Variants in TENM4 observed in about 807,000 individuals in gnomAD.
The protein encoded by TENM4 is teneurin-4.
TENM4 carries 82 observed loss-of-function variants against 243.3 expected under a neutral mutation model. The observed-to-expected ratio is 0.34, with a 90% CI of 0.28 to 0.40. TENM4 has a LOEUF of 0.40. TENM4 is among the 10% of genes least tolerant of loss of function. The probability of loss-of-function intolerance (pLI) is 1.00; values close to 1 mark genes in which losing one functional copy is unlikely to be tolerated. For synonymous variants in TENM4, 1,412 were observed against 1,456.3 expected (o/e 0.97, Z 0.69); for missense variants, 3,138 against 3,673.3 (o/e 0.85, Z 3.77).
intron 1 of TENM4, among the ~76,000 whole-genome samples, chr11:79,308,256 TA>T (rs1202903869): frequency 2.6e-5 from 4 of 152,244 alleles, no homozygotes; most frequent in African/African-American, 9.6e-5. Flanking sequence ...GAAATGTTTC[TA>T]AATTCATAAA....
At chr11:79,314,922 T>G (rs2135418950) in intron 1 of TENM4, among the ~76,000 whole-genome samples, 1 of 152,330 alleles carries the variant, frequency 6.6e-6, no homozygotes, top group East Asian at 1.9e-4. Flanking sequence ...ACTTCTCAGG[T>G]GATTCTAATG....
intron 1 of TENM4, among the ~76,000 whole-genome samples, chr11:79,308,668 G>A (rs1856666910): frequency 6.6e-6 from 1 of 152,274 alleles, no homozygotes; most frequent in African/African-American, 2.4e-5. Flanking sequence ...TCCCAAAGGG[G>A]CAGGGGCTTG....
At chr11:79,368,713 C>T (rs1857723650) in intron 1 of TENM4, among the ~76,000 whole-genome samples, 1 of 152,250 alleles carries the variant, frequency 6.6e-6, no homozygotes, top group Non-Finnish European at 1.5e-5. Context: ...ACCTACCCCA[C>T]AGGGTTATTG....
chr11:79,231,385 T>C (rs948434996), intron 2 of TENM4, among the ~76,000 whole-genome samples: 1 of 122,676 alleles, frequency 8.2e-6, no homozygotes, highest in Admixed American at 8.8e-5. Flanking sequence ...AAATTAGTAA[T>C]TTTTTTTTTT....
intron 4 of TENM4, among the ~76,000 whole-genome samples, chr11:79,137,606 T>G (rs964519261): frequency 5.3e-5 from 8 of 152,206 alleles, no homozygotes; most frequent in African/African-American, 1.7e-4. Context: ...AAATGAGGAC[T>G]GTAATTGTTG....
chr11:79,152,788 A>C (rs922833610), intron 3 of TENM4, among the ~76,000 whole-genome samples: 1 of 152,238 alleles, frequency 6.6e-6, no homozygotes, highest in Non-Finnish European at 1.5e-5. Flanking sequence ...CTTCCTGGAC[A>C]TAGCCTCCCA....
chr11:78,873,708 A>C (rs1461336048), intron 9 of TENM4, among the ~76,000 whole-genome samples: 1 of 152,248 alleles, frequency 6.6e-6, no homozygotes, highest in Non-Finnish European at 1.5e-5. Flanking sequence ...ATTTTTCTGA[A>C]AATAGACACT....
At chr11:78,941,590 C>G (rs1856895067) in intron 6 of TENM4, among the ~76,000 whole-genome samples, 1 of 152,100 alleles carries the variant, frequency 6.6e-6, no homozygotes, top group African/African-American at 2.4e-5. Context: ...TGGCACGGCG[C>G]CGGGGCGGGG....
At position 78,669,467 on chromosome 11, in the gene TENM4, T is replaced by C; in HGVS notation, c.6878A>G (p.Tyr2293Cys). ...RAGSWSVRYRYDGLGRRVSSK... is the reference protein window; with the variant it reads ...RAGSWSVRYRCDGLGRRVSSK... ...GGACACGCGCCGCCCCAGGCCATCGTAGCGGTACCTGACACTCCAGCTGCC... is the reference window on the plus strand; with the variant it reads ...GGACACGCGCCGCCCCAGGCCATCGCAGCGGTACCTGACACTCCAGCTGCC... Residue 2293 changes from tyrosine (Y) to cysteine (C), a missense_variant, in exon 32 of 34, where the codon TAC becomes TGC. Coordinates refer to ENST00000278550, the MANE Select transcript of TENM4 (RefSeq NM_001098816.3). The surrounding 1 kb of genome is among the most constrained non-coding windows in gnomAD (Gnocchi z 6.4). 6.2e-7 allele frequency: 1 copy of C among 1,613,620 alleles called. No individual in the cohort carries two copies. Among genetic ancestry groups the C allele is most frequent in the Non-Finnish European group, 8.5e-7 (1 of 1,179,684 alleles).
chr11:79,328,925 C>A (rs1857018048), intron 1 of TENM4, among the ~76,000 whole-genome samples: 1 of 152,118 alleles, frequency 6.6e-6, no homozygotes, highest in Non-Finnish European at 1.5e-5. Context: ...GCTGGGCTGA[C>A]TCCAGAGATT....
At chr11:78,859,510 C>T (rs1858764728) in intron 10 of TENM4, among the ~76,000 whole-genome samples, 1 of 152,178 alleles carries the variant, frequency 6.6e-6, no homozygotes, top group African/African-American at 2.4e-5. Context: ...TAATGAATTG[C>T]TAAAATGGAT....
chr11:78,878,605 G>T (rs897856972), intron 9 of TENM4, among the ~76,000 whole-genome samples: 1 of 152,104 alleles, frequency 6.6e-6, no homozygotes, highest in Non-Finnish European at 1.5e-5. Context: ...GTGACCCTGC[G>T]CCCACCTCCC....
At chr11:79,263,002 C>A (rs1369647486) in intron 2 of TENM4, among the ~76,000 whole-genome samples, 1 of 152,222 alleles carries the variant, frequency 6.6e-6, no homozygotes, top group Admixed American at 6.5e-5. Context: ...TCCCTGACCA[C>A]CTGCCCAGCA....
At chr11:78,960,955 G>T (rs1437555608) in intron 6 of TENM4, among the ~76,000 whole-genome samples, 1 of 152,288 alleles carries the variant, frequency 6.6e-6, no homozygotes, top group Admixed American at 6.5e-5. Flanking sequence ...ACTGTGATGG[G>T]TGCTCATCAT....
chr11:78,998,181 A>G (rs528813235), intron 6 of TENM4, among the ~76,000 whole-genome samples: 1 of 152,344 alleles, frequency 6.6e-6, no homozygotes, highest in Admixed American at 6.5e-5. Context: ...GGTCAATGGA[A>G]CCACACCCAG....
chr11:78,993,499 T>C (rs564714387), intron 6 of TENM4, among the ~76,000 whole-genome samples: 25 of 152,324 alleles, frequency 1.6e-4, no homozygotes, highest in Non-Finnish European at 2.8e-4. Context: ...AATTACATGT[T>C]AGACCACTTG....
At chr11:78,981,961 C>T (rs922309944) in intron 6 of TENM4, among the ~76,000 whole-genome samples, 2 of 152,116 alleles carry the variant, frequency 1.3e-5, no homozygotes, top group Admixed American at 6.5e-5. Context: ...CTCCTGCATG[C>T]CCCGTGTCTG....
intron 6 of TENM4, among the ~76,000 whole-genome samples, chr11:78,946,107 A>G (rs1380441372): frequency 6.6e-6 from 1 of 152,242 alleles, no homozygotes; most frequent in African/African-American, 2.4e-5. Flanking sequence ...ACAGCCTTCT[A>G]TTGGAAGAAG....
rs774453043 is a variant in TENM4, at chr11:78,832,512, G to C, written c.1682-18117C>G. ...CTTTTGCTTTTTATCCATATTAATA[G>C]AGTTGGGCTTTAAAAAGTAAAATCT... On this transcript the variant is annotated intron_variant, in intron 12 of 33. Transcript: ENST00000278550. 3.9e-4 allele frequency among the ~76,000 whole-genome samples: 59 copies of C among 152,246 alleles called. 1 individual carries two copies. Among genetic ancestry groups the C allele is most frequent in the Admixed American group, 2.6e-4 (4 of 15,288 alleles).
Sources: gnomAD v4.1 joint callset for allele counts (sites outside exome capture counted in the v4.1 genomes callset) on GRCh38, gnomAD v4.1.1 for gene constraint, Gnocchi (gnomAD v3.1) non-coding constraint, MANE v1.5 for transcripts, NCBI Gene and HGNC (gene_info 2026-07-23, HGNC 2026-07-21) for gene names.